The following ZNF512 variants were observed in gnomAD, a reference collection of about 807,000 sequenced individuals.
ZNF512 encodes the protein zinc finger protein 512.
ZNF512 carries 25 observed loss-of-function variants against 77.5 expected under a neutral mutation model. The ratio of observed to expected loss-of-function variants is 0.32; its 90% CI spans 0.23 to 0.45. The LOEUF is 0.45. Among genes scored for constraint, ZNF512 ranks in the 20% least tolerant of loss-of-function variants. The pLI, the probability that ZNF512 is intolerant of heterozygous loss-of-function variation, is 1.00. For missense variants in ZNF512, 483 were observed against 692.6 expected (o/e 0.70, Z 3.40); for synonymous variants, 246 against 239.9 (o/e 1.03, Z -0.24).
At chr2:27,595,388 G>C (rs760233074) in intron 2 of ZNF512, among the ~76,000 whole-genome samples, 1 of 150,374 alleles carries the variant, frequency 6.7e-6, no homozygotes. Flanking sequence ...GCAGCGGCGC[G>C]ATCTCTGCTC....
intron 13 of ZNF512, 99 bp downstream of exon 13, chr2:27,617,670 C>A (rs1041749158): frequency 3.0e-6 from 2 of 675,602 alleles, no homozygotes; most frequent in South Asian, 1.8e-5. Flanking sequence ...GAAAGTATCT[C>A]TAAAGTGGTT....
chr2:27,617,257 G>T (rs977967438), intron 12 of ZNF512: 2 of 462,616 alleles, frequency 4.3e-6, no homozygotes, highest in African/African-American at 3.9e-5. Context: ...TTGAAGTAGG[G>T]TGGGTGATTG....
intron 2 of ZNF512, among the ~76,000 whole-genome samples, chr2:27,585,907 T>A (rs768045611): frequency 1.3e-5 from 2 of 152,216 alleles, no homozygotes; most frequent in Admixed American, 6.5e-5. Context: ...TTACAAATAA[T>A]CAAATGTCCT....
At chr2:27,583,596 G>A in intron 1 of ZNF512, 62 bp from the exon 2 acceptor site, 3 of 1,599,418 alleles carry the variant, frequency 1.9e-6, no homozygotes, top group South Asian at 1.1e-5. Context: ...AGGGGAATTC[G>A]TCTTTTTGTG....
chr2:27,606,800 T>G (rs1339420567), intron 9 of ZNF512, among the ~76,000 whole-genome samples: 1 of 152,252 alleles, frequency 6.6e-6, no homozygotes, highest in Non-Finnish European at 1.5e-5. Flanking sequence ...GCTTAGAGTC[T>G]CACCAGGCTG....
intron 9 of ZNF512, among the ~76,000 whole-genome samples, chr2:27,603,786 G>A (rs1356152808): frequency 6.6e-6 from 1 of 151,224 alleles, no homozygotes; most frequent in African/African-American, 2.4e-5. Context: ...TTGTAGAGAC[G>A]GGGGTCTCAT....
At chr2:27,611,139 A>AG (rs1672642480) in intron 10 of ZNF512, among the ~76,000 whole-genome samples, 2 of 152,152 alleles carry the variant, frequency 1.3e-5, no homozygotes, top group African/African-American at 2.4e-5. Flanking sequence ...TTTAATTTTG[A>AG]AATAATTTTA....
intron 3 of ZNF512, among the ~76,000 whole-genome samples, 197 bp downstream of exon 3, chr2:27,598,451 A>C (rs906819159): frequency 6.6e-6 from 1 of 152,116 alleles, no homozygotes; most frequent in Non-Finnish European, 1.5e-5. Flanking sequence ...AACATGGTGA[A>C]ACCCCGTCTC....
chr2:27,619,138 G>A (rs902323289), intron 13 of ZNF512, among the ~76,000 whole-genome samples: 1 of 152,134 alleles, frequency 6.6e-6, no homozygotes, highest in Admixed American at 6.5e-5. Context: ...GGCTGGGCAC[G>A]GTGGCTCACG....
intron 11 of ZNF512, among the ~76,000 whole-genome samples, chr2:27,615,601 A>T (rs1206390026): frequency 6.6e-6 from 1 of 152,236 alleles, no homozygotes. Flanking sequence ...GGCTACCAGC[A>T]GGGTACACAG....
At chr2:27,604,236 T>C (rs1046308409) in intron 9 of ZNF512, among the ~76,000 whole-genome samples, 1 of 152,226 alleles carries the variant, frequency 6.6e-6, no homozygotes, top group Non-Finnish European at 1.5e-5. Flanking sequence ...CCCATTGTTA[T>C]ACTTTTAAAA....
At chr2:27,618,146 C>T (rs1672970194) in intron 13 of ZNF512, among the ~76,000 whole-genome samples, 2 of 152,000 alleles carry the variant, frequency 1.3e-5, no homozygotes, top group Non-Finnish European at 2.9e-5. Flanking sequence ...TCTTGAACTC[C>T]TGACTTCAGG....
intron 9 of ZNF512, among the ~76,000 whole-genome samples, chr2:27,605,310 G>A (rs999960594): frequency 2.0e-5 from 3 of 151,842 alleles, no homozygotes; most frequent in Admixed American, 2.0e-4. Context: ...AAAATTAGCT[G>A]GGTGTGGGTG....
At chr2:27,610,860 C>T (rs1411219993) in intron 10 of ZNF512, among the ~76,000 whole-genome samples, 7 of 151,706 alleles carry the variant, frequency 4.6e-5, no homozygotes, top group Non-Finnish European at 1.0e-4. Context: ...GCGTGAGCTA[C>T]TGTGCGTGGC....
At chr2:27,584,465 A>G (rs1465429546) in intron 2 of ZNF512, among the ~76,000 whole-genome samples, 2 of 152,242 alleles carry the variant, frequency 1.3e-5, no homozygotes, top group African/African-American at 2.4e-5. Flanking sequence ...GACATTTACT[A>G]CATGTTTGCT....
At chr2:27,603,080 A>C in intron 8 of ZNF512, 60 bp from the exon 9 acceptor site, 2 of 1,586,880 alleles carry the variant, frequency 1.3e-6, no homozygotes, top group Non-Finnish European at 1.7e-6. Flanking sequence ...GCTGTTTAGA[A>C]ATTTAGGGAT....
intron 12 of ZNF512, among the ~76,000 whole-genome samples, chr2:27,616,783 C>G (rs1297763000): frequency 1.3e-5 from 2 of 152,196 alleles, no homozygotes; most frequent in African/African-American, 4.8e-5. Context: ...GGCTAACAGC[C>G]ATTCACCTCA....
chr2:27,599,826 C>T (rs1396456446), intron 4 of ZNF512, 144 bp from the exon 5 acceptor site: 6 of 1,167,654 alleles, frequency 5.1e-6, no homozygotes, highest in East Asian at 2.5e-5. Flanking sequence ...CATCCTGCCT[C>T]ATTATACCCT....
At chr2:27,597,087 C>T (rs1270138305) in intron 2 of ZNF512, among the ~76,000 whole-genome samples, 1 of 152,126 alleles carries the variant, frequency 6.6e-6, no homozygotes, top group Non-Finnish European at 1.5e-5. Context: ...CACAGTATTC[C>T]ATAGTAGGCA....
Sources: gnomAD v4.1 joint callset for allele counts (sites outside exome capture counted in the v4.1 genomes callset) on GRCh38, gnomAD v4.1.1 for gene constraint, MANE v1.5 for transcripts, NCBI Gene and HGNC (gene_info 2026-07-23, HGNC 2026-07-21) for gene names.